MCF2L: variants seen among roughly 807,000 people sequenced by gnomAD.
MCF2L encodes the protein MCF.2 cell line derived transforming sequence like.
In MCF2L, 97 loss-of-function variants were observed where a neutral mutation model predicts 153.4. That is an observed-to-expected ratio of 0.63 (90% CI 0.54 to 0.75). The LOEUF (loss-of-function observed/expected upper bound fraction) is 0.75, where lower values mean the gene tolerates loss of function less well. MCF2L is among the 30% of genes least tolerant of loss of function. The pLI is 0.00. For missense variants in MCF2L, 1,347 were observed against 1,495.2 expected (o/e 0.90, Z 1.64); for synonymous variants, 659 against 632.2 (o/e 1.04, Z -0.64).
rs187045756 is a variant in MCF2L, at chr13:113,047,580, C to T, written c.369+2219C>T. 3.5e-3 allele frequency among the ~76,000 whole-genome samples: 537 copies of T among 152,384 alleles called. 2 individuals carry two copies. The highest frequency in any genetic ancestry group is 0.012 in the African/African-American group (495 of 41,604). ...CCGCATCTTTTATGCTTACCTGCCG[C>T]TGATATAAACCAGCCATCAGGACGA... On this transcript the variant is annotated intron_variant, in intron 4 of 29. Coordinates refer to ENST00000535094, the MANE Select transcript of MCF2L (RefSeq NM_001112732.3).
At chr13:113,041,241 G>T (rs1030892514) in intron 3 of MCF2L, among the ~76,000 whole-genome samples, 1 of 152,092 alleles carries the variant, frequency 6.6e-6, no homozygotes, top group Admixed American at 6.5e-5. Context: ...GCTGAAACTG[G>T]GCAGAAGCCA....
At chr13:112,955,549 C>T (rs1033155519) in intron 2 of MCF2L, among the ~76,000 whole-genome samples, 4 of 152,168 alleles carry the variant, frequency 2.6e-5, no homozygotes, top group Non-Finnish European at 5.9e-5. Context: ...TTTGTGACCC[C>T]ATTTTACAGA....
At chr13:112,910,895 G>T (rs2081223915) in intron 2 of MCF2L, among the ~76,000 whole-genome samples, 1 of 151,724 alleles carries the variant, frequency 6.6e-6, no homozygotes, top group Non-Finnish European at 1.5e-5. Flanking sequence ...TTTCGTGGGA[G>T]AATTCGTCTG....
intron 1 of MCF2L, among the ~76,000 whole-genome samples, chr13:112,899,628 G>C (rs1329915110): frequency 6.6e-6 from 1 of 152,142 alleles, no homozygotes; most frequent in African/African-American, 2.4e-5. Flanking sequence ...AGAGGAAGGA[G>C]GAACCTTTAA....
Position 113,078,438 on chromosome 13 carries a change from T to G in MCF2L, c.1734+2T>G. 6.2e-7 allele frequency: 1 copy of G among 1,609,932 alleles called. No individual in the cohort carries two copies. ...AGAGGGCCCTACCGGAGGGCCAAGGTGAGGCTTGCCCAAGACAACCCCGCC... is the reference window on the plus strand; with the variant it reads ...AGAGGGCCCTACCGGAGGGCCAAGGGGAGGCTTGCCCAAGACAACCCCGCC... On this transcript the variant is annotated splice_donor_variant, in intron 14 of 29. Transcript: ENST00000535094. LOFTEE classifies it high-confidence loss of function.
rs569635342 is a variant in MCF2L at position 113,027,258 on chromosome 13, T to G, written c.278+2500T>G. Among the ~76,000 whole-genome samples, 1 of 152,100 alleles carries G rather than the reference T, an allele frequency of 6.6e-6. No homozygotes were observed. Among genetic ancestry groups the G allele is most frequent in the African/African-American group, 2.4e-5 (1 of 41,418 alleles). ...CGGCCTGACCTGGAAAGCAGCACAT[T>G]GATCCCCTGATAAATATCACATAAC... On this transcript the variant is annotated intron_variant, in intron 3 of 29. Transcript: ENST00000535094. The surrounding 1 kb of genome is among the most constrained non-coding windows in gnomAD (Gnocchi z 4.8).
intron 4 of MCF2L, among the ~76,000 whole-genome samples, chr13:113,055,736 G>A (rs901397317): frequency 5.9e-5 from 9 of 152,280 alleles, no homozygotes; most frequent in African/African-American, 1.7e-4. Flanking sequence ...CTCAGCTCAC[G>A]ATTCCCTGCT....
At chr13:112,973,520 G>A (rs894551152) in intron 1 of MCF2L, among the ~76,000 whole-genome samples, 3 of 152,186 alleles carry the variant, frequency 2.0e-5, no homozygotes, top group African/African-American at 7.2e-5. Flanking sequence ...AGCATCCTTG[G>A]TGTCCTGTGT....
chr13:113,062,731 T>G (rs1413907299), intron 5 of MCF2L, among the ~76,000 whole-genome samples: 2 of 152,192 alleles, frequency 1.3e-5, no homozygotes. Context: ...AAAGGAGACA[T>G]GAGGGAGAAC....
intron 26 of MCF2L, chr13:113,091,133 G>C: frequency 7.7e-7 from 1 of 1,300,142 alleles, no homozygotes; most frequent in Non-Finnish European, 1.0e-6. Context: ...TCTCCTACCA[G>C]TCCTGACAAA....
intron 1 of MCF2L, among the ~76,000 whole-genome samples, chr13:112,999,878 G>A (rs1009558256): frequency 4.6e-5 from 7 of 152,222 alleles, no homozygotes; most frequent in Non-Finnish European, 8.8e-5. Flanking sequence ...GAATGAAGAT[G>A]CCTGCAGGCC....
chr13:112,971,791 C>T (rs1184312740), intron 1 of MCF2L, among the ~76,000 whole-genome samples: 4 of 152,202 alleles, frequency 2.6e-5, no homozygotes, highest in Non-Finnish European at 5.9e-5. Flanking sequence ...GGCAACTTCC[C>T]CCTGGCCCCC....
chr13:112,992,097 C>G (rs947004304), intron 1 of MCF2L, among the ~76,000 whole-genome samples: 16 of 152,200 alleles, frequency 1.1e-4, no homozygotes, highest in African/African-American at 3.6e-4. Flanking sequence ...ACAGTCAAAA[C>G]TTATTTCATG....
At chr13:112,996,307 G>A (rs951138825) in intron 1 of MCF2L, among the ~76,000 whole-genome samples, 21 of 152,174 alleles carry the variant, frequency 1.4e-4, no homozygotes, top group African/African-American at 3.9e-4. Context: ...GTGACAGAGC[G>A]AGGCCTTGGC....
chr13:113,050,528 C>T (rs1204217749), intron 4 of MCF2L, among the ~76,000 whole-genome samples: 1 of 150,442 alleles, frequency 6.6e-6, no homozygotes, highest in African/African-American at 2.5e-5. Flanking sequence ...TGAGGGACCC[C>T]GGACTTCTAG....
intron 2 of MCF2L, among the ~76,000 whole-genome samples, chr13:112,929,756 G>C (rs997398323): frequency 6.6e-6 from 1 of 152,210 alleles, no homozygotes; most frequent in Non-Finnish European, 1.5e-5. Flanking sequence ...CCTGCATCAC[G>C]GACTGCATGG....
At chr13:112,899,120 A>C (rs2081096283) in intron 1 of MCF2L, among the ~76,000 whole-genome samples, 1 of 152,248 alleles carries the variant, frequency 6.6e-6, no homozygotes. Flanking sequence ...ATAAACGAGG[A>C]CCGAGCAAAC....
At chr13:112,959,166 A>G (rs1033379632) in intron 2 of MCF2L, among the ~76,000 whole-genome samples, 6 of 152,164 alleles carry the variant, frequency 3.9e-5, no homozygotes, top group Non-Finnish European at 5.9e-5. Context: ...TGTTCAAGAC[A>G]TACCATATGC....
intron 2 of MCF2L, among the ~76,000 whole-genome samples, chr13:113,015,459 G>T (rs950616104): frequency 6.6e-6 from 1 of 152,092 alleles, no homozygotes; most frequent in Non-Finnish European, 1.5e-5. Context: ...GCTGAGGAGG[G>T]TGCCCCGATG....
Sources: allele counts gnomAD v4.1 joint callset (sites outside exome capture counted in the v4.1 genomes callset), GRCh38; gene constraint gnomAD v4.1.1; non-coding constraint Gnocchi (gnomAD v3.1); transcripts MANE v1.5; gene names NCBI Gene and HGNC (gene_info 2026-07-23, HGNC 2026-07-21).